KCTD14: variants seen among roughly 807,000 people sequenced by gnomAD.
The protein encoded by KCTD14 is BTB/POZ domain-containing protein KCTD14.
A neutral mutation model predicts 5.9 loss-of-function variants in KCTD14; 7 were observed. That is an observed-to-expected ratio of 1.19 (90% CI 0.68 to 2.23). The LOEUF is 2.23. Among genes scored for constraint, KCTD14 ranks in the 30% most tolerant of loss-of-function variants. The pLI is 0.00. For synonymous variants in KCTD14, 140 were observed against 133.1 expected (o/e 1.05, Z -0.36); for missense variants, 342 against 332.2 (o/e 1.03, Z -0.23).
chr11:78,045,899 G>A (rs1237096774), intron 1 of KCTD14, among the ~76,000 whole-genome samples: 2 of 152,130 alleles, frequency 1.3e-5, no homozygotes, highest in South Asian at 2.1e-4. Flanking sequence ...GGAAGAGTCC[G>A]AGGCAGCCTG....
chr11:78,045,626 C>T (rs1379120278), intron 1 of KCTD14, among the ~76,000 whole-genome samples: 2 of 152,238 alleles, frequency 1.3e-5, no homozygotes, highest in Non-Finnish European at 1.5e-5. Context: ...CCAGGAGTGA[C>T]CAAAGGCAGT....
At chr11:78,021,723 T>A (rs1416935142) in intron 1 of KCTD14, among the ~76,000 whole-genome samples, 1 of 152,080 alleles carries the variant, frequency 6.6e-6, no homozygotes, top group Non-Finnish European at 1.5e-5. Flanking sequence ...TGGCTGAGAG[T>A]ACGTTTTCTG....
chr11:78,036,726 C>T (rs1857812337), intron 2 of KCTD14, among the ~76,000 whole-genome samples: 1 of 152,202 alleles, frequency 6.6e-6, no homozygotes. Flanking sequence ...ACTTTTCCTT[C>T]AGGACATGCC....
chr11:78,029,547 G>A (rs1857558918), intron 2 of KCTD14, among the ~76,000 whole-genome samples: 1 of 152,140 alleles, frequency 6.6e-6, no homozygotes. Flanking sequence ...TAATGAAACT[G>A]GAATGTAATG....
At position 78,023,195 on chromosome 11, in the gene KCTD14, G is replaced by A. The variant is rs1349867973; in HGVS notation, c.55C>T (p.Pro19Ser). The A allele has an allele frequency of 6.2e-7, 1 of 1,605,962 alleles. No individual in the cohort carries two copies. ...RPVGRMTSQT[P>S]LPQSPRPRRP... Reference sequence around the variant, plus strand: ...CTGGGCCGGGGGGACTGGGGCAGAGGGGTCTGGCTCGTCATCCTGCCCACT... The same window carrying A: ...CTGGGCCGGGGGGACTGGGGCAGAGAGGTCTGGCTCGTCATCCTGCCCACT... The change falls in exon 1 of 2, where the codon CCT becomes TCT. Residue 19 changes from proline (P) to serine (S), a missense_variant. Transcript: ENST00000353172.
intron 2 of KCTD14, among the ~76,000 whole-genome samples, chr11:78,028,750 G>C (rs1857538622): frequency 6.6e-6 from 1 of 152,100 alleles, no homozygotes; most frequent in South Asian, 2.1e-4. Flanking sequence ...AGACTAGCCT[G>C]GGAAACATGG....
At chr11:78,044,622 G>A (rs191028342) in intron 1 of KCTD14, among the ~76,000 whole-genome samples, 1 of 152,318 alleles carries the variant, frequency 6.6e-6, no homozygotes, top group African/African-American at 2.4e-5. Flanking sequence ...GTTAGCAGTA[G>A]TGAATCTGTA....
intron 1 of KCTD14, among the ~76,000 whole-genome samples, chr11:78,044,854 C>A (rs1858090875): frequency 6.6e-6 from 1 of 152,170 alleles, no homozygotes; most frequent in South Asian, 2.1e-4. Flanking sequence ...GAGCTTTACA[C>A]CTTGGCATGC....
intron 2 of KCTD14, among the ~76,000 whole-genome samples, chr11:78,037,217 C>T (rs774318903): frequency 1.3e-5 from 2 of 152,332 alleles, no homozygotes; most frequent in Non-Finnish European, 2.9e-5. Flanking sequence ...TGCAACCACT[C>T]CCCCGGGGCC....
At chr11:78,038,569 G>A in intron 2 of KCTD14, 3 of 1,419,244 alleles carry the variant, frequency 2.1e-6, no homozygotes, top group South Asian at 1.3e-5. Flanking sequence ...CAGCCCAAGT[G>A]CGTAGGCCCC....
chr11:78,025,234 G>A (rs1030763736), upstream of KCTD14, among the ~76,000 whole-genome samples: 1 of 150,464 alleles, frequency 6.6e-6, no homozygotes, highest in African/African-American at 2.4e-5. Flanking sequence ...GAAGCAAGGA[G>A]AGCCAGTCCG....
chr11:78,040,333 G>A (rs570187595), intron 1 of KCTD14, among the ~76,000 whole-genome samples: 2 of 151,992 alleles, frequency 1.3e-5, no homozygotes, highest in African/African-American at 4.8e-5. Context: ...TCTCTTCCTT[G>A]TCTCTTTTCT....
At position 78,015,957 on chromosome 11, in the gene KCTD14, T is replaced by C. The variant is rs1857151891; in HGVS notation, c.*636A>G. 1 of 152,234 alleles carries C rather than the reference T, an allele frequency of 6.6e-6. No individual in the cohort carries two copies. Among genetic ancestry groups the C allele is most frequent in the South Asian group, 2.1e-4 (1 of 4,836 alleles). The allele number at this position is 152,234 out of a possible 1,614,324, so 9.4% of individuals were successfully genotyped here. ...GTCTCAAAATTAGAATACATCAAAA[T>C]CACTTGGAGGGTTTGGTAAATCAGA... On this transcript the variant is annotated 3_prime_UTR_variant, in exon 2 of 2. Transcript: ENST00000353172.
rs79123239 is a variant in KCTD14, at chr11:78,033,074, G to C, written c.-1+5590C>G. Among the ~76,000 whole-genome samples the C allele has an allele frequency of 2.6e-3, 391 of 152,266 alleles. 1 individual carries two copies. The highest frequency in any genetic ancestry group is 9.3e-3 in the African/African-American group (385 of 41,548). ...ATGAGGAGGGAAGAGTTGGGCTTGAGTATGGTTAAGATCCCTTCCAACTCT... is the reference window on the plus strand; with the variant it reads ...ATGAGGAGGGAAGAGTTGGGCTTGACTATGGTTAAGATCCCTTCCAACTCT... On this transcript the variant is annotated intron_variant, in intron 2 of 2. Transcript: ENST00000533144.
chr11:78,028,085 G>T (rs963051324), upstream of KCTD14, among the ~76,000 whole-genome samples: 1 of 152,058 alleles, frequency 6.6e-6, no homozygotes, highest in Non-Finnish European at 1.5e-5. Flanking sequence ...CAGATGGTTG[G>T]GGGGCTGAGA....
chr11:78,023,018 C>T (rs1245428010), intron 1 of KCTD14, 142 bp downstream of exon 1: 14 of 616,564 alleles, frequency 2.3e-5, no homozygotes, highest in Non-Finnish European at 3.1e-5. Context: ...GCGACCAGCC[C>T]GAGGTGAAGG....
chr11:78,038,907 T>A, intron 1 of KCTD14: 2 of 904,090 alleles, frequency 2.2e-6, no homozygotes, highest in South Asian at 3.5e-5. Context: ...CAGGCCCGGA[T>A]GTACCAGGGG....
intron 1 of KCTD14, among the ~76,000 whole-genome samples, chr11:78,039,869 A>G (rs911347317): frequency 6.6e-6 from 1 of 152,200 alleles, no homozygotes; most frequent in African/African-American, 2.4e-5. Context: ...TGAATGTATC[A>G]TAAATCTACT....
chr11:78,037,887 C>T lies in KCTD14; in HGVS notation c.-1+777G>A, dbSNP rs373928231. Among the ~76,000 whole-genome samples, 248 of 151,426 alleles carry T rather than the reference C, an allele frequency of 1.6e-3. 1 individual carries two copies. The highest frequency in any genetic ancestry group is 2.9e-3 in the Non-Finnish European group (195 of 67,874). ...GGCTTCTGGGATGCTGAATAAAGTT[C>T]TTTTTCTTGAGCTAGGTGCTGGTTC... On this transcript the variant is annotated intron_variant, in intron 2 of 2. Coordinates refer to the KCTD14 transcript ENST00000533144.
Sources: allele counts gnomAD v4.1 joint callset (sites outside exome capture counted in the v4.1 genomes callset), GRCh38; gene constraint gnomAD v4.1.1; transcripts MANE v1.5; gene names NCBI Gene and HGNC (gene_info 2026-07-23, HGNC 2026-07-21).